Variants in WWOX observed in about 807,000 individuals in gnomAD.
WWOX encodes the protein WW domain-containing oxidoreductase.
A neutral mutation model predicts 46.2 loss-of-function variants in WWOX; 69 were observed. The ratio of observed to expected loss-of-function variants is 1.49; its 90% CI spans 1.23 to 1.82. The LOEUF is 1.82. Among genes scored for constraint, WWOX ranks in the 40% most tolerant of loss-of-function variants. WWOX has a pLI of 0.00. For synonymous variants in WWOX, 359 were observed against 202.6 expected (o/e 1.77, Z -6.56); for missense variants, 919 against 542.6 (o/e 1.69, Z -6.89).
At chr16:78,499,758 T>G (rs1205198572) in intron 8 of WWOX, among the ~76,000 whole-genome samples, 1 of 152,240 alleles carries the variant, frequency 6.6e-6, no homozygotes. Flanking sequence ...CACCAGCCTC[T>G]GTCAAATACA....
At chr16:78,769,203 A>G (rs886077714) in intron 8 of WWOX, among the ~76,000 whole-genome samples, 3 of 152,196 alleles carry the variant, frequency 2.0e-5, no homozygotes, top group South Asian at 2.1e-4. Context: ...ATATATGACT[A>G]TTTCATGAGT....
chr16:78,141,362 G>A (rs1450281619), intron 4 of WWOX, among the ~76,000 whole-genome samples: 1 of 148,462 alleles, frequency 6.7e-6, no homozygotes, highest in Admixed American at 6.7e-5. Context: ...AACAAATAGT[G>A]TTTTCACAGG....
intron 8 of WWOX, among the ~76,000 whole-genome samples, chr16:79,041,201 G>T (rs186973393): frequency 6.6e-6 from 1 of 152,078 alleles, no homozygotes; most frequent in Non-Finnish European, 1.5e-5. Flanking sequence ...AAATAAAAAC[G>T]AATGCAAAAG....
intron 8 of WWOX, among the ~76,000 whole-genome samples, chr16:78,947,284 G>A (rs150271524): frequency 6.6e-6 from 1 of 152,122 alleles, no homozygotes; most frequent in African/African-American, 2.4e-5. Flanking sequence ...TTAACTCCCT[G>A]TTTCTGCCTG....
intron 8 of WWOX, chr16:78,996,179 C>G: frequency 1.0e-6 from 1 of 979,266 alleles, no homozygotes; most frequent in Non-Finnish European, 1.2e-6. Context: ...CTCACATCTT[C>G]TTTAAATAAA....
At chr16:78,900,159 C>G (rs1055204356) in intron 8 of WWOX, among the ~76,000 whole-genome samples, 2 of 149,034 alleles carry the variant, frequency 1.3e-5, no homozygotes, top group Non-Finnish European at 3.0e-5. Context: ...AGTAACAAAC[C>G]GTTCATCATT....
intron 5 of WWOX, among the ~76,000 whole-genome samples, chr16:78,264,246 A>G (rs2079313431): frequency 6.6e-6 from 1 of 151,962 alleles, no homozygotes; most frequent in Non-Finnish European, 1.5e-5. Context: ...GACTGTCCTG[A>G]AAGCCTACTT....
At chr16:78,279,966 G>C (rs4334311) in intron 5 of WWOX, among the ~76,000 whole-genome samples, 4 of 152,098 alleles carry the variant, frequency 2.6e-5, no homozygotes, top group Non-Finnish European at 5.9e-5. Flanking sequence ...GGAAACCACA[G>C]ATGAATCAAA....
intron 8 of WWOX, among the ~76,000 whole-genome samples, chr16:79,085,274 C>T (rs1167255409): frequency 6.6e-6 from 1 of 152,142 alleles, no homozygotes; most frequent in Non-Finnish European, 1.5e-5. Flanking sequence ...CTGGAGGTCT[C>T]TTAGATTTTC....
intron 5 of WWOX, among the ~76,000 whole-genome samples, chr16:78,316,478 G>C (rs975645500): frequency 6.6e-6 from 1 of 152,058 alleles, no homozygotes; most frequent in Non-Finnish European, 1.5e-5. Flanking sequence ...GAGTAGCTGG[G>C]ATTACAGGTG....
At chr16:78,416,895 G>T (rs929675931) in intron 6 of WWOX, among the ~76,000 whole-genome samples, 1 of 152,200 alleles carries the variant, frequency 6.6e-6, no homozygotes, top group Non-Finnish European at 1.5e-5. Flanking sequence ...ATTCACAGGG[G>T]TGAACTAACT....
chr16:79,189,556 C>A (rs148559035), intron 8 of WWOX, among the ~76,000 whole-genome samples: 111 of 152,026 alleles, frequency 7.3e-4, no homozygotes, highest in Non-Finnish European at 1.2e-3. Context: ...CTACCTTGGC[C>A]TCTCAAAGTG....
intron 6 of WWOX, among the ~76,000 whole-genome samples, chr16:78,422,147 A>G (rs191469530): frequency 6.6e-6 from 1 of 152,164 alleles, no homozygotes; most frequent in East Asian, 1.9e-4. Flanking sequence ...TCTTAAGAAG[A>G]TACGTGTTTG....
At chr16:78,357,575 G>T (rs1382714723) in intron 5 of WWOX, among the ~76,000 whole-genome samples, 6 of 152,236 alleles carry the variant, frequency 3.9e-5, no homozygotes, top group African/African-American at 1.4e-4. Context: ...CGTGGTCTGG[G>T]ACACATTTGT....
intron 8 of WWOX, chr16:79,101,325 T>A (rs147167240): frequency 6.6e-6 from 1 of 152,214 alleles, no homozygotes; most frequent in Non-Finnish European, 1.5e-5. Context: ...TCTGCTGGTC[T>A]CTCTGCTGAC....
intron 8 of WWOX, among the ~76,000 whole-genome samples, chr16:78,774,956 T>C (rs771920623): frequency 1.3e-5 from 2 of 152,020 alleles, no homozygotes; most frequent in Non-Finnish European, 2.9e-5. Context: ...GTAGCAGATA[T>C]TTGTGGTGTA....
chr16:78,620,692 GT>G (rs35512212), intron 8 of WWOX, among the ~76,000 whole-genome samples: 1 of 151,236 alleles, frequency 6.6e-6, no homozygotes, highest in Non-Finnish European at 1.5e-5. Context: ...AGGAAATATG[GT>G]TTTTTTTTCC....
intron 8 of WWOX, among the ~76,000 whole-genome samples, chr16:78,663,762 T>C (rs2047268838): frequency 6.6e-6 from 1 of 152,094 alleles, no homozygotes; most frequent in Non-Finnish European, 1.5e-5. Context: ...GGAGGTGACA[T>C]TTGAACTACA....
At chr16:79,160,658 C>T (rs74035095) in intron 8 of WWOX, among the ~76,000 whole-genome samples, 1,606 of 152,232 alleles carry the variant, frequency 0.011, 30 homozygotes, top group African/African-American at 0.037. Context: ...AGCCCACACT[C>T]GGCTCACTGA....
Sources: gnomAD v4.1 joint callset for allele counts (sites outside exome capture counted in the v4.1 genomes callset) on GRCh38, gnomAD v4.1.1 for gene constraint, MANE v1.5 for transcripts, NCBI Gene and HGNC (gene_info 2026-07-23, HGNC 2026-07-21) for gene names.